Variants in KIAA0825 observed in about 807,000 individuals in gnomAD.
The protein encoded by KIAA0825 is KIAA0825.
KIAA0825 carries 119 observed loss-of-function variants against 147.6 expected under a neutral mutation model. That is an observed-to-expected ratio of 0.81 (90% confidence interval 0.69 to 0.94). The LOEUF is 0.94. Ranked by LOEUF, KIAA0825 falls within the 40% of genes least tolerant of loss-of-function variation. The probability of loss-of-function intolerance (pLI) is 0.00; values close to 1 mark genes in which losing one functional copy is unlikely to be tolerated. For missense variants in KIAA0825, 1,381 were observed against 1,472.7 expected (o/e 0.94, Z 1.02); for synonymous variants, 470 against 518.1 (o/e 0.91, Z 1.26).
At chr5:94,423,946 T>C (rs1392108025) in intron 14 of KIAA0825, among the ~76,000 whole-genome samples, 2 of 152,180 alleles carry the variant, frequency 1.3e-5, no homozygotes, top group Non-Finnish European at 2.9e-5. Flanking sequence ...GGAAAATTAG[T>C]TTAATAACAT....
At chr5:94,210,125 A>G (rs1583859094) in intron 20 of KIAA0825, among the ~76,000 whole-genome samples, 1 of 152,318 alleles carries the variant, frequency 6.6e-6, no homozygotes, top group South Asian at 2.1e-4. Context: ...TTTGTGGAGC[A>G]TGATTATGAC....
At chr5:94,295,883 A>G (rs987940910) in intron 20 of KIAA0825, among the ~76,000 whole-genome samples, 3 of 152,194 alleles carry the variant, frequency 2.0e-5, no homozygotes, top group African/African-American at 7.2e-5. Flanking sequence ...GATGTCTCCC[A>G]GTCAGGAGGC....
intron 20 of KIAA0825, among the ~76,000 whole-genome samples, chr5:94,284,886 T>C (rs977762715): frequency 6.6e-6 from 1 of 152,170 alleles, no homozygotes; most frequent in African/African-American, 2.4e-5. Context: ...TTACTACATG[T>C]ATCGTGTACT....
intron 20 of KIAA0825, among the ~76,000 whole-genome samples, chr5:94,303,714 A>G (rs748491095): frequency 6.6e-6 from 1 of 152,114 alleles, no homozygotes; most frequent in Non-Finnish European, 1.5e-5. Flanking sequence ...CACAATTCTA[A>G]CATAATTAGT....
At chr5:94,421,296 G>A (rs1290611155) in intron 14 of KIAA0825, among the ~76,000 whole-genome samples, 1 of 152,200 alleles carries the variant, frequency 6.6e-6, no homozygotes, top group Non-Finnish European at 1.5e-5. Flanking sequence ...TGGTTCATGG[G>A]GGCTCCCCCA....
At chr5:94,273,947 C>G (rs979954863) in intron 20 of KIAA0825, among the ~76,000 whole-genome samples, 8 of 152,048 alleles carry the variant, frequency 5.3e-5, no homozygotes. Context: ...ACTCCAAGGA[C>G]TAATAGAATA....
At chr5:94,368,696 C>T (rs943799983) in intron 20 of KIAA0825, among the ~76,000 whole-genome samples, 5 of 152,180 alleles carry the variant, frequency 3.3e-5, no homozygotes, top group Non-Finnish European at 5.9e-5. Context: ...TATTCTCTAA[C>T]AGAATTTAGA....
chr5:94,407,892 C>A (rs1240413013), intron 15 of KIAA0825, among the ~76,000 whole-genome samples: 2 of 152,128 alleles, frequency 1.3e-5, no homozygotes, highest in African/African-American at 4.8e-5. Context: ...TAAAAGGACA[C>A]ACACAAACAT....
At chr5:94,433,194 A>AT (rs1378708706) in intron 14 of KIAA0825, among the ~76,000 whole-genome samples, 1 of 151,830 alleles carries the variant, frequency 6.6e-6, no homozygotes, top group East Asian at 1.9e-4. Flanking sequence ...CACCTGGCTA[A>AT]TTTTTTATAT....
intron 20 of KIAA0825, among the ~76,000 whole-genome samples, chr5:94,266,162 C>T (rs1776730441): frequency 6.6e-6 from 1 of 152,078 alleles, no homozygotes; most frequent in African/African-American, 2.4e-5. Flanking sequence ...TATTTGTTGC[C>T]AATAATAAAA....
In KIAA0825 at chr5:94,572,639, A is replaced by G. The variant is rs138321437; in HGVS notation, c.-2+9794T>C. Among the ~76,000 whole-genome samples, 699 of 152,316 alleles carry G rather than the reference A, an allele frequency of 4.6e-3. 3 individuals are homozygous for G. Among genetic ancestry groups the G allele is most frequent in the African/African-American group, 0.016 (667 of 41,572 alleles). On this transcript the variant is annotated intron_variant, in intron 2 of 20. Transcript: ENST00000682413. ...GACATGGAAAGATTTCCAGAATATT[A>G]TATTATTTCATTTAAAAAATTGTAG...
chr5:94,376,306 C>G (rs557107040), intron 20 of KIAA0825, among the ~76,000 whole-genome samples: 1 of 152,226 alleles, frequency 6.6e-6, no homozygotes, highest in South Asian at 2.1e-4. Flanking sequence ...AACCAGAAGA[C>G]TTCATCTTGG....
chr5:94,331,143 AAAG>A lies in KIAA0825; in HGVS notation c.3710+53222_3710+53224del, dbSNP rs1246701418. On this transcript the variant is annotated intron_variant, in intron 20 of 20. Transcript: ENST00000682413. ...GAGTGAGACTCTGTCTCAAAAAAAA[AAAG>A]AAAGAAAGAGAGAGAGAGAGAAAGA... Among the ~76,000 whole-genome samples, 201 of 151,998 alleles carry A rather than the reference AAAG, an allele frequency of 1.3e-3. 2 individuals carry two copies. The highest frequency in any genetic ancestry group is 4.0e-3 in the African/African-American group (167 of 41,470).
rs1212258310 is a variant in KIAA0825, at chr5:94,615,826, T to G, written c.-153+2674A>C. On this transcript the variant is annotated intron_variant, in intron 1 of 20. Coordinates refer to ENST00000682413, the MANE Select transcript of KIAA0825 (RefSeq NM_001145678.3). ...GAATCATTCATTCAATAAATGCTTA[T>G]TTTTTATTTTTTAGAGACAGGGTCT... 2.6e-5 allele frequency: 4 copies of G among 152,262 alleles called. No homozygotes were observed. In the East Asian group the frequency reaches 7.7e-4, roughly 29 times the overall value. 9.4% of individuals were successfully genotyped at this position (152,262 alleles called of 1,614,324 possible). A position where few individuals can be genotyped will look rare whatever the true frequency, so the allele number is the denominator to read the frequency against.
intron 2 of KIAA0825, among the ~76,000 whole-genome samples, chr5:94,573,406 G>C (rs1240466521): frequency 6.6e-6 from 1 of 151,956 alleles, no homozygotes; most frequent in African/African-American, 2.4e-5. Context: ...TAGTAGCTGG[G>C]ACTACAGGCA....
intron 16 of KIAA0825, among the ~76,000 whole-genome samples, chr5:94,396,895 T>A (rs1180240946): frequency 6.6e-6 from 1 of 152,006 alleles, no homozygotes; most frequent in Non-Finnish European, 1.5e-5. Context: ...TTGGAATCCA[T>A]GACAGAATCA....
At chr5:94,514,529 T>G (rs1766940109) in intron 5 of KIAA0825, among the ~76,000 whole-genome samples, 1 of 152,204 alleles carries the variant, frequency 6.6e-6, no homozygotes, top group Non-Finnish European at 1.5e-5. Context: ...ATCTTACAAA[T>G]GATTTCATTC....
chr5:94,413,745 A>G (rs1370828942), intron 15 of KIAA0825: 1 of 152,206 alleles, frequency 6.6e-6, no homozygotes, highest in Non-Finnish European at 1.5e-5. Flanking sequence ...GGTCAAACTT[A>G]CTGAACTCTT....
chr5:94,613,328 C>A (rs1002983519), intron 1 of KIAA0825, among the ~76,000 whole-genome samples: 4 of 152,026 alleles, frequency 2.6e-5, no homozygotes, highest in Non-Finnish European at 5.9e-5. Context: ...CCAGGAGTAG[C>A]TGGGATTACA....
Sources: gnomAD v4.1 joint callset for allele counts (sites outside exome capture counted in the v4.1 genomes callset) on GRCh38, gnomAD v4.1.1 for gene constraint, MANE v1.5 for transcripts, NCBI Gene and HGNC (gene_info 2026-07-23, HGNC 2026-07-21) for gene names.